SPIDR: variants seen among roughly 807,000 people sequenced by gnomAD.
SPIDR encodes DNA repair-scaffolding protein.
SPIDR carries 93 observed loss-of-function variants against 104.6 expected under a neutral mutation model. That is an observed-to-expected ratio of 0.89 (90% confidence interval 0.75 to 1.06). The LOEUF is 1.06. Among genes scored for constraint, SPIDR ranks in the 50% least tolerant of loss-of-function variants. The pLI, the probability that SPIDR is intolerant of heterozygous loss-of-function variation, is 0.00. For synonymous variants in SPIDR, 431 were observed against 416.9 expected (o/e 1.03, Z -0.41); for missense variants, 1,154 against 1,111.2 (o/e 1.04, Z -0.55).
intron 5 of SPIDR, among the ~76,000 whole-genome samples, chr8:47,328,716 C>T (rs1257732249): frequency 6.6e-6 from 1 of 152,074 alleles, no homozygotes; most frequent in Non-Finnish European, 1.5e-5. Flanking sequence ...GCATGACAGT[C>T]TCTACCTTTG....
rs2039855374 is a variant in SPIDR at position 47,291,281 on chromosome 8, C to T, written c.361+144C>T. ...TGGATTTAATATTGGAAGAAACTTA[C>T]ATTCCTTTCTAGTATTTATCATTAA... is the stretch of plus-strand genomic sequence containing the variant. On this transcript the variant is annotated intron_variant, in intron 4 of 19. Transcript: ENST00000297423. 1.1e-5 allele frequency: 6 copies of T among 532,402 alleles called. No individual in the cohort carries two copies. In the South Asian group the frequency reaches 2.1e-4, roughly 19 times the overall value. 33.0% of individuals were successfully genotyped at this position (532,402 alleles called of 1,614,324 possible). A position where few individuals can be genotyped will look rare whatever the true frequency, so the allele number is the denominator to read the frequency against.
chr8:47,466,706 C>CAA (rs78296344), intron 8 of SPIDR, among the ~76,000 whole-genome samples: 1 of 134,994 alleles, frequency 7.4e-6, no homozygotes. Flanking sequence ...ACGAAAAATA[C>CAA]AAAAAAAAAA....
Position 47,512,215 on chromosome 8 carries a change from T to C in SPIDR, c.1097+71673T>C, listed in dbSNP as rs1564191060. On this transcript the variant is annotated intron_variant, in intron 8 of 19. Transcript: ENST00000297423. ...CTAAAGCATCCTTGAGTGGGACTTT[T>C]GTCTTTCTCCTGAGAGGGAGCTTAG... is the stretch of plus-strand genomic sequence containing the variant. 4 of 333,478 alleles carry C rather than the reference T, an allele frequency of 1.2e-5. No individual in the cohort carries two copies. In the East Asian group the frequency reaches 2.0e-4, roughly 17 times the overall value. 20.7% of individuals were successfully genotyped at this position (333,478 alleles called of 1,614,324 possible). A position where few individuals can be genotyped will look rare whatever the true frequency, so the allele number is the denominator to read the frequency against.
chr8:47,314,426 A>G (rs2044862615), intron 5 of SPIDR, among the ~76,000 whole-genome samples: 5 of 152,194 alleles, frequency 3.3e-5, no homozygotes, highest in Admixed American at 2.0e-4. Flanking sequence ...AAACTGGGTA[A>G]TTTATGAAGG....
chr8:47,512,319 C>A, intron 8 of SPIDR, among the ~76,000 whole-genome samples: 1 of 152,122 alleles, frequency 6.6e-6, no homozygotes, highest in Non-Finnish European at 1.5e-5. Context: ...TCGTCTCACC[C>A]TGTCTACACA....
chr8:47,619,183 GAGTTGATCTT>G (rs1197103634), intron 10 of SPIDR, among the ~76,000 whole-genome samples: 1 of 152,172 alleles, frequency 6.6e-6, no homozygotes, highest in East Asian at 1.9e-4. Flanking sequence ...TTTAGTCATG[GAGTTGATCTT>G]GTGTGCTCTG....
At chr8:47,337,089 T>G (rs1270310636) in intron 5 of SPIDR, among the ~76,000 whole-genome samples, 1 of 152,204 alleles carries the variant, frequency 6.6e-6, no homozygotes, top group Non-Finnish European at 1.5e-5. Flanking sequence ...TTAAATTCTT[T>G]GCCCATTTTT....
intron 8 of SPIDR, among the ~76,000 whole-genome samples, chr8:47,575,615 C>G (rs2059002644): frequency 6.9e-6 from 1 of 144,984 alleles, no homozygotes; most frequent in African/African-American, 2.6e-5. Context: ...CCACTGCACT[C>G]CAGCCTGGGC....
chr8:47,497,849 T>G (rs752438804), intron 8 of SPIDR, among the ~76,000 whole-genome samples: 1 of 152,172 alleles, frequency 6.6e-6, no homozygotes, highest in Non-Finnish European at 1.5e-5. Flanking sequence ...TTGTCAGGCA[T>G]CACTCTAAAG....
chr8:47,613,495 C>A (rs752879298), intron 10 of SPIDR, among the ~76,000 whole-genome samples: 1 of 152,136 alleles, frequency 6.6e-6, no homozygotes, highest in East Asian at 1.9e-4. Flanking sequence ...GTTTTCATTT[C>A]TCTTGGTGTA....
intron 10 of SPIDR, among the ~76,000 whole-genome samples, chr8:47,670,851 A>C (rs1160630947): frequency 1.3e-5 from 2 of 151,600 alleles, no homozygotes; most frequent in Non-Finnish European, 2.9e-5. Context: ...TAGTCCTTGT[A>C]TCTCAGGCCT....
chr8:47,587,541 C>T lies in SPIDR; in HGVS notation c.1098-8270C>T, dbSNP rs1031755414. Among the ~76,000 whole-genome samples, 4 of 145,384 alleles carry T rather than the reference C, an allele frequency of 2.8e-5. No individual in the cohort carries two copies. The South Asian group carries it at 6.7e-4, about 24-fold the overall frequency. ...GAATCACTTGAACCTGGGAGGCAGA[C>T]GGAGGTTGCTGTGAGCCGAGATGTT... On this transcript the variant is annotated intron_variant, in intron 8 of 19. Transcript: ENST00000297423.
At chr8:47,265,993 G>T (rs1554546371) in intron 1 of SPIDR, among the ~76,000 whole-genome samples, 1 of 150,780 alleles carries the variant, frequency 6.6e-6, no homozygotes, top group African/African-American at 2.4e-5. Context: ...CAGGTGATCT[G>T]CCCGCATCGA....
At chr8:47,299,364 G>T (rs1345767489) in intron 5 of SPIDR, among the ~76,000 whole-genome samples, 1 of 152,168 alleles carries the variant, frequency 6.6e-6, no homozygotes, top group East Asian at 1.9e-4. Context: ...AGGCAATGGG[G>T]TTTTCTAGAT....
intron 3 of SPIDR, among the ~76,000 whole-genome samples, chr8:47,285,586 C>T (rs943188474): frequency 5.5e-4 from 83 of 152,272 alleles, no homozygotes; most frequent in African/African-American, 1.8e-3. Flanking sequence ...CTAGACCTCT[C>T]TCCTTGGCTT....
chr8:47,474,958 C>G (rs2076120887), intron 8 of SPIDR, among the ~76,000 whole-genome samples: 1 of 152,110 alleles, frequency 6.6e-6, no homozygotes, highest in East Asian at 1.9e-4. Context: ...GTCATTTTTC[C>G]CAGTAGTTTC....
At chr8:47,308,743 T>G (rs373127278) in intron 5 of SPIDR, among the ~76,000 whole-genome samples, 19 of 152,294 alleles carry the variant, frequency 1.2e-4, no homozygotes, top group African/African-American at 4.3e-4. Context: ...TAGCATTCAG[T>G]GATCAGGGCA....
chr8:47,719,519 A>T (rs11784573), intron 16 of SPIDR, among the ~76,000 whole-genome samples: 1 of 152,104 alleles, frequency 6.6e-6, no homozygotes, highest in African/African-American at 2.4e-5. Context: ...AAAAAAAAAA[A>T]ATAGAAAGCA....
chr8:47,714,277 A>G (rs2082270688), intron 16 of SPIDR, among the ~76,000 whole-genome samples: 1 of 152,146 alleles, frequency 6.6e-6, no homozygotes, highest in African/African-American at 2.4e-5. Flanking sequence ...TGAGCGATGA[A>G]TTGGGCATAG....
Sources: allele counts gnomAD v4.1 joint callset (sites outside exome capture counted in the v4.1 genomes callset), GRCh38; gene constraint gnomAD v4.1.1; transcripts MANE v1.5; gene names NCBI Gene and HGNC (gene_info 2026-07-23, HGNC 2026-07-21).